Variants in ADAMTSL3 observed in about 807,000 individuals in gnomAD.
ADAMTSL3 encodes the protein ADAMTS-like protein 3.
ADAMTSL3 carries 128 observed loss-of-function variants against 201.7 expected under a neutral mutation model. The observed-to-expected ratio is 0.63, with a 90% CI of 0.55 to 0.73. The LOEUF (loss-of-function observed/expected upper bound fraction) is 0.73, where lower values mean the gene tolerates loss of function less well. Among genes scored for constraint, ADAMTSL3 ranks in the 30% least tolerant of loss-of-function variants. The pLI is 0.00. For missense variants in ADAMTSL3, 1,990 were observed against 2,119.6 expected (o/e 0.94, Z 1.20); for synonymous variants, 738 against 748.4 (o/e 0.99, Z 0.23).
chr15:83,721,920 A>T (rs1282455800), intron 3 of ADAMTSL3, among the ~76,000 whole-genome samples: 1 of 152,044 alleles, frequency 6.6e-6, no homozygotes, highest in Non-Finnish European at 1.5e-5. Context: ...TTTAGTAGAG[A>T]TGGGGTTTCA....
intron 16 of ADAMTSL3, 51 bp downstream of exon 16, chr15:83,913,429 T>A: frequency 6.4e-7 from 1 of 1,573,212 alleles, no homozygotes; most frequent in Non-Finnish European, 8.6e-7. Flanking sequence ...TGCTAGTGGT[T>A]TGAGAAATTA....
At chr15:83,989,529 A>G (rs1441797412) in intron 22 of ADAMTSL3, among the ~76,000 whole-genome samples, 2 of 152,256 alleles carry the variant, frequency 1.3e-5, no homozygotes, top group Admixed American at 6.5e-5. Flanking sequence ...TATAGATTGC[A>G]ATTACCTCCC....
intron 9 of ADAMTSL3, among the ~76,000 whole-genome samples, chr15:83,875,822 T>C (rs2065166978): frequency 6.6e-6 from 1 of 151,504 alleles, no homozygotes; most frequent in Admixed American, 6.6e-5. Context: ...AAAAGAACAA[T>C]CAGGATGTAT....
intron 23 of ADAMTSL3, among the ~76,000 whole-genome samples, chr15:83,992,249 T>C (rs2067594368): frequency 6.6e-6 from 1 of 152,196 alleles, no homozygotes; most frequent in South Asian, 2.1e-4. Context: ...CTCCCTCCAC[T>C]GTCATGATCA....
intron 23 of ADAMTSL3, among the ~76,000 whole-genome samples, chr15:84,001,994 G>A (rs764631328): frequency 6.6e-6 from 1 of 152,156 alleles, no homozygotes; most frequent in Non-Finnish European, 1.5e-5. Context: ...CTTGTATTTG[G>A]ATTATTGATT....
chr15:83,833,672 A>T (rs920014073), intron 6 of ADAMTSL3, among the ~76,000 whole-genome samples: 2 of 152,210 alleles, frequency 1.3e-5, no homozygotes, highest in Non-Finnish European at 2.9e-5. Context: ...TTGTAACTGA[A>T]AATGAGATAT....
At chr15:83,959,189 G>C (rs563785765) in intron 19 of ADAMTSL3, among the ~76,000 whole-genome samples, 1 of 152,182 alleles carries the variant, frequency 6.6e-6, no homozygotes, top group Non-Finnish European at 1.5e-5. Context: ...ACTTTGGGAG[G>C]CCAAGGTGGG....
intron 4 of ADAMTSL3, among the ~76,000 whole-genome samples, chr15:83,777,387 A>G (rs1208153545): frequency 6.6e-6 from 1 of 152,198 alleles, no homozygotes; most frequent in Non-Finnish European, 1.5e-5. Context: ...GCAGTCCAAA[A>G]ACATTTTGGC....
intron 2 of ADAMTSL3, chr15:83,694,310 G>A (rs928885876): frequency 4.6e-5 from 7 of 152,200 alleles, no homozygotes; most frequent in East Asian, 1.9e-4. Flanking sequence ...TGGTGGGAAC[G>A]GAACGGTGTC....
intron 5 of ADAMTSL3, among the ~76,000 whole-genome samples, chr15:83,807,601 A>T (rs559332216): frequency 6.6e-6 from 1 of 152,354 alleles, no homozygotes; most frequent in African/African-American, 2.4e-5. Flanking sequence ...TTCCAGTGAC[A>T]TTCTTCACAG....
intron 6 of ADAMTSL3, among the ~76,000 whole-genome samples, chr15:83,829,618 T>G (rs1217578843): frequency 4.6e-5 from 7 of 152,326 alleles, no homozygotes; most frequent in South Asian, 2.1e-4. Flanking sequence ...ATTGTGATGT[T>G]AGGGTATCAA....
chr15:83,889,561 C>T (rs904614673), intron 10 of ADAMTSL3, among the ~76,000 whole-genome samples: 1 of 151,952 alleles, frequency 6.6e-6, no homozygotes. Flanking sequence ...TATTTCAGGA[C>T]GTATCAACAA....
chr15:83,853,751 G>A (rs2064667737), intron 7 of ADAMTSL3, among the ~76,000 whole-genome samples: 1 of 151,920 alleles, frequency 6.6e-6, no homozygotes, highest in Non-Finnish European at 1.5e-5. Flanking sequence ...AATGACATTG[G>A]AATGTAGTTT....
chr15:83,835,085 T>G (rs1416910894), intron 6 of ADAMTSL3, among the ~76,000 whole-genome samples: 1 of 151,840 alleles, frequency 6.6e-6, no homozygotes, highest in African/African-American at 2.4e-5. Flanking sequence ...ATACAAAAAA[T>G]TAGCCGGGCA....
intron 3 of ADAMTSL3, among the ~76,000 whole-genome samples, chr15:83,716,095 A>G (rs2062013892): frequency 6.6e-6 from 1 of 152,206 alleles, no homozygotes; most frequent in Non-Finnish European, 1.5e-5. Flanking sequence ...GTGAGTCTGC[A>G]TGACTTTTCT....
At chr15:83,748,314 C>G (rs1290560891) in intron 3 of ADAMTSL3, among the ~76,000 whole-genome samples, 11 of 152,118 alleles carry the variant, frequency 7.2e-5, no homozygotes, top group Admixed American at 7.2e-4. Context: ...TCATTGATCA[C>G]TCACTGTGTA....
intron 19 of ADAMTSL3, among the ~76,000 whole-genome samples, chr15:83,968,846 C>T (rs1047406613): frequency 2.0e-5 from 3 of 152,180 alleles, no homozygotes; most frequent in Non-Finnish European, 2.9e-5. Flanking sequence ...AGTTCATGTC[C>T]TTTGTCGGGA....
chr15:83,766,480 G>A (rs2141722234), intron 3 of ADAMTSL3, among the ~76,000 whole-genome samples: 1 of 152,178 alleles, frequency 6.6e-6, no homozygotes, highest in South Asian at 2.1e-4. Flanking sequence ...ATATAGAGGG[G>A]GAAAAAAGTA....
At chr15:83,922,346 C>T (rs2066163049) in intron 16 of ADAMTSL3, among the ~76,000 whole-genome samples, 1 of 152,110 alleles carries the variant, frequency 6.6e-6, no homozygotes, top group Admixed American at 6.5e-5. Flanking sequence ...TGTACAATTC[C>T]ACCCAGAATG....
Sources: allele counts gnomAD v4.1 joint callset (sites outside exome capture counted in the v4.1 genomes callset), GRCh38; gene constraint gnomAD v4.1.1; transcripts MANE v1.5; gene names NCBI Gene and HGNC (gene_info 2026-07-23, HGNC 2026-07-21).